The following RASGEF1A variants were observed in gnomAD, a reference collection of about 807,000 sequenced individuals.
RASGEF1A encodes RasGEF domain family member 1A.
RASGEF1A carries 18 observed loss-of-function variants against 56.4 expected under a neutral mutation model. The ratio of observed to expected loss-of-function variants is 0.32; its 90% CI spans 0.22 to 0.47. The LOEUF is 0.47. RASGEF1A is among the 20% of genes least tolerant of loss of function. RASGEF1A has a pLI of 1.00. For missense variants in RASGEF1A, 422 were observed against 627.1 expected, an observed-to-expected ratio of 0.67 and a Z score of 3.49; for synonymous variants, 245 against 242.6, an observed-to-expected ratio of 1.01 and a Z score of -0.09.
intron 1 of RASGEF1A, among the ~76,000 whole-genome samples, chr10:43,223,254 C>T (rs1840232631): frequency 6.6e-6 from 1 of 152,122 alleles, no homozygotes; most frequent in Admixed American, 6.5e-5. Flanking sequence ...GTATGTTATA[C>T]CACCAATGAA....
chr10:43,257,418 G>A (rs1050095047), intron 1 of RASGEF1A, among the ~76,000 whole-genome samples: 3 of 152,244 alleles, frequency 2.0e-5, no homozygotes, highest in African/African-American at 4.8e-5. Context: ...TGTTTGGTGG[G>A]GAAGGAGGAG....
chr10:43,206,922 C>T (rs1588931656), intron 1 of RASGEF1A: 1 of 985,558 alleles, frequency 1.0e-6, no homozygotes, highest in East Asian at 1.1e-4. Flanking sequence ...CTCCTGGAGG[C>T]CTCGGTGCCC....
At chr10:43,202,913 C>G (rs548397411) in intron 3 of RASGEF1A, among the ~76,000 whole-genome samples, 109 of 138,136 alleles carry the variant, frequency 7.9e-4, no homozygotes, top group African/African-American at 2.8e-3. Context: ...GCCCCACCAG[C>G]CCAGCCAGGC....
intron 1 of RASGEF1A, among the ~76,000 whole-genome samples, chr10:43,236,529 C>A (rs993679521): frequency 2.6e-5 from 4 of 152,376 alleles, no homozygotes; most frequent in Admixed American, 2.6e-4. Context: ...TACCAAAAGT[C>A]TAATCAGGGT....
At chr10:43,203,476 C>A in intron 2 of RASGEF1A, 56 bp from the exon 3 acceptor site, 1 of 1,465,186 alleles carries the variant, frequency 6.8e-7, no homozygotes, top group Admixed American at 2.3e-5. Flanking sequence ...CCCCCGGGGG[C>A]TCACCGCGCT....
rs1840516722 is a variant in RASGEF1A at position 43,242,728 on chromosome 10, T to C, written c.-7+24117A>G. Among the ~76,000 whole-genome samples the C allele has an allele frequency of 2.0e-5, 3 of 152,172 alleles. No homozygotes were observed. In the South Asian group the frequency reaches 6.2e-4, roughly 31 times the overall value. ...TTGTATTTTTGGTGCAGACAGGGTTTCGCTGTGTTGACCGGGCTGGTTTCC... is the reference window on the plus strand; with the variant it reads ...TTGTATTTTTGGTGCAGACAGGGTTCCGCTGTGTTGACCGGGCTGGTTTCC... On this transcript the variant is annotated intron_variant, in intron 1 of 12. Transcript: ENST00000395810.
At chr10:43,235,063 G>A (rs1371044633) in intron 1 of RASGEF1A, among the ~76,000 whole-genome samples, 1 of 152,202 alleles carries the variant, frequency 6.6e-6, no homozygotes, top group Non-Finnish European at 1.5e-5. Flanking sequence ...TGGGTCAGTG[G>A]GGAACCCCTA....
chr10:43,202,028 C>A, intron 3 of RASGEF1A, 83 bp from the exon 4 acceptor site: 1 of 1,416,516 alleles, frequency 7.1e-7, no homozygotes, highest in Non-Finnish European at 9.5e-7. Flanking sequence ...TTCCCACATC[C>A]CCAAGCCACA....
chr10:43,199,405 T>G (rs1377593516), intron 7 of RASGEF1A, among the ~76,000 whole-genome samples: 4 of 152,322 alleles, frequency 2.6e-5, no homozygotes, highest in East Asian at 3.9e-4. Flanking sequence ...AGGCACCATC[T>G]GCCCCAGAGG....
At chr10:43,238,258 C>A (rs186166894) in intron 1 of RASGEF1A, among the ~76,000 whole-genome samples, 2 of 151,908 alleles carry the variant, frequency 1.3e-5, no homozygotes, top group Admixed American at 6.6e-5. Flanking sequence ...GGTTAGCCGC[C>A]GCAGATTGAG....
intron 1 of RASGEF1A, among the ~76,000 whole-genome samples, chr10:43,236,569 C>A (rs549712148): frequency 1.3e-5 from 2 of 152,382 alleles, no homozygotes; most frequent in South Asian, 4.1e-4. Flanking sequence ...CATACACCTT[C>A]TCTCCGTCTC....
At chr10:43,219,800 T>A (rs949488730) in intron 1 of RASGEF1A, among the ~76,000 whole-genome samples, 2 of 152,156 alleles carry the variant, frequency 1.3e-5, no homozygotes, top group African/African-American at 4.8e-5. Context: ...AGACATATGG[T>A]TCTTTTACTT....
intron 1 of RASGEF1A, among the ~76,000 whole-genome samples, chr10:43,215,543 C>T (rs1469173687): frequency 2.6e-5 from 4 of 152,176 alleles, no homozygotes; most frequent in African/African-American, 4.8e-5. Flanking sequence ...ATGCATGCCA[C>T]GGACCCGACA....
intron 1 of RASGEF1A, among the ~76,000 whole-genome samples, chr10:43,232,126 G>C (rs1455237751): frequency 1.3e-5 from 2 of 152,222 alleles, no homozygotes; most frequent in African/African-American, 2.4e-5. Context: ...GATATGATTT[G>C]GGTTTGTGTC....
intron 1 of RASGEF1A, among the ~76,000 whole-genome samples, chr10:43,232,485 C>CTTTTTT (rs55766600): frequency 5.7e-5 from 7 of 123,668 alleles, no homozygotes; most frequent in East Asian, 5.4e-4. Flanking sequence ...CAGTCTCCGG[C>CTTTTTT]TTTTTTTTTT....
At chr10:43,251,268 T>C (rs1840625111) in intron 1 of RASGEF1A, among the ~76,000 whole-genome samples, 1 of 152,150 alleles carries the variant, frequency 6.6e-6, no homozygotes, top group South Asian at 2.1e-4. Flanking sequence ...GGGGCCCTCA[T>C]GAAAAGCACC....
chr10:43,262,674 C>T (rs535651054), intron 1 of RASGEF1A, among the ~76,000 whole-genome samples: 2 of 152,344 alleles, frequency 1.3e-5, no homozygotes, highest in East Asian at 1.9e-4. Flanking sequence ...ACACCCAAGG[C>T]GGCTGCTGCA....
chr10:43,194,803 C>G lies in RASGEF1A; in HGVS notation c.*1441G>C, dbSNP rs1839772554. ...ATATATTCTCAAGTTTTAAGCCTTT[C>G]TCATCTCAAAGACATAAACAAAGCA... On this transcript the variant is annotated 3_prime_UTR_variant, in exon 13 of 13. Transcript: ENST00000395810. The G allele has an allele frequency of 6.6e-6, 1 of 152,660 alleles. No individual in the cohort carries two copies. The highest frequency in any genetic ancestry group is 1.9e-4 in the East Asian group (1 of 5,200). The allele number at this position is 152,660 out of a possible 1,614,324, so 9.5% of individuals were successfully genotyped here.
At chr10:43,251,468 G>A (rs1397714593) in intron 1 of RASGEF1A, among the ~76,000 whole-genome samples, 1 of 152,128 alleles carries the variant, frequency 6.6e-6, no homozygotes, top group Non-Finnish European at 1.5e-5. Context: ...ACACACTCAC[G>A]CATGCCCAGG....
Sources: allele counts gnomAD v4.1 joint callset (sites outside exome capture counted in the v4.1 genomes callset), GRCh38; gene constraint gnomAD v4.1.1; transcripts MANE v1.5; gene names NCBI Gene and HGNC (gene_info 2026-07-23, HGNC 2026-07-21).